Variants in LRRC37A observed in about 807,000 individuals in gnomAD.
LRRC37A encodes the protein leucine-rich repeat-containing protein 37A.
LRRC37A carries 3 observed loss-of-function variants against 35.4 expected under a neutral mutation model. The ratio of observed to expected loss-of-function variants is 0.08; its 90% CI spans 0.04 to 0.22. The LOEUF (loss-of-function observed/expected upper bound fraction) is 0.22. LRRC37A is among the 10% of genes least tolerant of loss of function. LRRC37A has a pLI of 1.00. For missense variants in LRRC37A, 67 were observed against 565.3 expected, an observed-to-expected ratio of 0.12 and a Z score of 8.94; for synonymous variants, 23 against 215.0, an observed-to-expected ratio of 0.11 and a Z score of 7.81.
chr17:46,279,165 A>G, the LRRC37A span, among the ~76,000 whole-genome samples: 1 of 151,782 alleles, frequency 6.6e-6, no homozygotes, highest in Non-Finnish European at 1.5e-5. Context: ...TCCTTTGCTA[A>G]TAAGGCATTC....
At chr17:46,334,634 C>G (rs1019536524) in intron 10 of LRRC37A, 1 of 51,904 alleles carries the variant, frequency 1.9e-5, no homozygotes, top group African/African-American at 8.9e-5. Flanking sequence ...GTTGCCCAGG[C>G]TGGTTTTCCT....
the LRRC37A span, among the ~76,000 whole-genome samples, chr17:46,269,822 C>G: frequency 6.6e-6 from 1 of 152,130 alleles, no homozygotes; most frequent in Non-Finnish European, 1.5e-5. Flanking sequence ...CTTGGATGCA[C>G]CTGTTTATTT....
the LRRC37A span, among the ~76,000 whole-genome samples, chr17:46,268,067 C>G: frequency 6.6e-6 from 1 of 152,052 alleles, no homozygotes; most frequent in East Asian, 1.9e-4. Context: ...CGCCCAGCCC[C>G]ACTCCCACAT....
At chr17:46,275,074 TAG>T in the LRRC37A span, 1 of 183,788 alleles carries the variant, frequency 5.4e-6, no homozygotes, top group African/African-American at 2.4e-5. Context: ...GTATTTTTGG[TAG>T]AGACGGGGTT....
the LRRC37A span, among the ~76,000 whole-genome samples, chr17:46,280,533 A>G: frequency 6.6e-6 from 1 of 151,798 alleles, no homozygotes; most frequent in Non-Finnish European, 1.5e-5. Flanking sequence ...TATTATTAAA[A>G]AGAAAAAAAT....
upstream of LRRC37A, among the ~76,000 whole-genome samples, chr17:46,289,126 TGTGATTGGCATCCAC>T (rs762318290): frequency 3.5e-4 from 54 of 152,240 alleles, no homozygotes; most frequent in Non-Finnish European, 4.6e-4. Flanking sequence ...ACAAACCCAT[TGTGATTGGCATCCAC>T]GAACAAATTT....
At chr17:46,288,126 T>C (rs1051221071), upstream of LRRC37A, among the ~76,000 whole-genome samples, 7 of 151,970 alleles carry the variant, frequency 4.6e-5, no homozygotes, top group Non-Finnish European at 7.4e-5. Context: ...GAATAATACA[T>C]GGCTATGTAG....
At chr17:46,272,023 G>A in the LRRC37A span, among the ~76,000 whole-genome samples, 1 of 152,248 alleles carries the variant, frequency 6.6e-6, no homozygotes, top group Non-Finnish European at 1.5e-5. Flanking sequence ...GCCTCCCAGA[G>A]TGCTGGGATT....
the LRRC37A span, among the ~76,000 whole-genome samples, chr17:46,282,293 C>T: frequency 6.6e-6 from 1 of 151,734 alleles, no homozygotes; most frequent in South Asian, 2.1e-4. Flanking sequence ...TTAGTAGAGA[C>T]GGGGTTTCAC....
the LRRC37A span, among the ~76,000 whole-genome samples, chr17:46,272,247 T>C: frequency 1.3e-4 from 20 of 152,350 alleles, 1 homozygote; most frequent in Middle Eastern, 0.017. Flanking sequence ...GCCCAAGGCC[T>C]GTGGTAGAAA....
chr17:46,281,574 T>C, the LRRC37A span, among the ~76,000 whole-genome samples: 1 of 152,152 alleles, frequency 6.6e-6, no homozygotes, highest in African/African-American at 2.4e-5. Flanking sequence ...GGACTACAGG[T>C]GCACGCCACT....
At chr17:46,268,784 GA>G in the LRRC37A span, 1 of 974,408 alleles carries the variant, frequency 1.0e-6, no homozygotes, top group Non-Finnish European at 1.4e-6. Context: ...TCCTTTAGAA[GA>G]GAGCCCAAAG....
chr17:46,248,507 A>G, the LRRC37A span, among the ~76,000 whole-genome samples: 1 of 151,858 alleles, frequency 6.6e-6, no homozygotes, highest in African/African-American at 2.4e-5. Context: ...CTTGTATTTG[A>G]CTTCTTTCAC....
intron 5 of LRRC37A, among the ~76,000 whole-genome samples, chr17:46,307,910 G>A (rs1382192809): frequency 2.6e-5 from 2 of 76,598 alleles, no homozygotes; most frequent in Admixed American, 1.4e-4. Flanking sequence ...TACTCAGGAG[G>A]CTGAGGCAGG....
chr17:46,264,617 A>T, the LRRC37A span, among the ~76,000 whole-genome samples: 3 of 152,264 alleles, frequency 2.0e-5, no homozygotes. Flanking sequence ...ATAAACTGGC[A>T]TTCTGGCTAC....
the LRRC37A span, among the ~76,000 whole-genome samples, chr17:46,250,379 G>T: frequency 6.6e-6 from 1 of 152,214 alleles, no homozygotes; most frequent in Non-Finnish European, 1.5e-5. Flanking sequence ...ACAAAATATT[G>T]ATCTTGGGTG....
the LRRC37A span, among the ~76,000 whole-genome samples, chr17:46,261,005 G>A: frequency 2.0e-5 from 3 of 152,188 alleles, no homozygotes; most frequent in African/African-American, 7.2e-5. Context: ...TGGGAGCTAA[G>A]CTAGGAGGAT....
the LRRC37A span, among the ~76,000 whole-genome samples, chr17:46,283,392 G>C: frequency 6.6e-6 from 1 of 152,158 alleles, no homozygotes; most frequent in African/African-American, 2.4e-5. Context: ...CCATCTTATG[G>C]GCCTATAATG....
the LRRC37A span, chr17:46,267,047 G>C: frequency 5.7e-5 from 14 of 244,314 alleles, no homozygotes; most frequent in East Asian, 1.0e-3. Flanking sequence ...CTTCAGATTC[G>C]GCCTCAGTCA....
Sources: gnomAD v4.1 joint callset for allele counts (sites outside exome capture counted in the v4.1 genomes callset) on GRCh38, gnomAD v4.1.1 for gene constraint, MANE v1.5 for transcripts, NCBI Gene and HGNC (gene_info 2026-07-23, HGNC 2026-07-21) for gene names.